Variants in RAD51B observed in about 807,000 individuals in gnomAD.
RAD51B encodes the protein DNA repair protein RAD51 homolog 2.
RAD51B carries 38 observed loss-of-function variants against 42.2 expected under a neutral mutation model. The observed-to-expected ratio is 0.90, with a 90% CI of 0.70 to 1.18. The LOEUF (loss-of-function observed/expected upper bound fraction) is 1.18. RAD51B is among the 50% of genes most tolerant of loss of function. RAD51B has a pLI of 0.00. For synonymous variants in RAD51B, 154 were observed against 145.2 expected, an observed-to-expected ratio of 1.06 and a Z score of -0.43; for missense variants, 373 against 400.7, an observed-to-expected ratio of 0.93 and a Z score of 0.59.
At chr14:68,670,083 C>A (rs1478075318) in intron 11 of RAD51B, among the ~76,000 whole-genome samples, 1 of 152,160 alleles carries the variant, frequency 6.6e-6, no homozygotes, top group African/African-American at 2.4e-5. Flanking sequence ...GACACGCTGC[C>A]GAGAGAACCG....
intron 7 of RAD51B, among the ~76,000 whole-genome samples, chr14:68,089,207 A>G (rs977745975): frequency 3.3e-5 from 5 of 152,034 alleles, no homozygotes; most frequent in Admixed American, 6.6e-5. Context: ...CCTTTGTTCA[A>G]GTTGCTTTTG....
chr14:68,296,022 A>T (rs1438172521), intron 8 of RAD51B, among the ~76,000 whole-genome samples: 1 of 152,222 alleles, frequency 6.6e-6, no homozygotes, highest in Non-Finnish European at 1.5e-5. Flanking sequence ...ACAGCAATAC[A>T]GGAAGGGGAG....
chr14:67,906,244 C>A (rs1478844023), intron 7 of RAD51B, among the ~76,000 whole-genome samples: 1 of 152,080 alleles, frequency 6.6e-6, no homozygotes, highest in Non-Finnish European at 1.5e-5. Flanking sequence ...GGAATAAAGC[C>A]TGGTTGATTA....
At chr14:68,283,390 T>C (rs2081356667) in intron 7 of RAD51B, among the ~76,000 whole-genome samples, 1 of 152,162 alleles carries the variant, frequency 6.6e-6, no homozygotes, top group African/African-American at 2.4e-5. Context: ...GGTAGGATAG[T>C]TTCTTCCACA....
chr14:68,197,519 AT>A (rs777705261), intron 7 of RAD51B, among the ~76,000 whole-genome samples: 5 of 152,154 alleles, frequency 3.3e-5, no homozygotes, highest in Non-Finnish European at 7.4e-5. Context: ...TGTTTTTGAA[AT>A]TGGTGGGTCA....
intron 7 of RAD51B, among the ~76,000 whole-genome samples, chr14:68,289,788 T>C (rs1400574894): frequency 1.3e-5 from 2 of 152,100 alleles, no homozygotes. Flanking sequence ...TCAAGGAGGC[T>C]ACTTGACCAT....
intron 7 of RAD51B, among the ~76,000 whole-genome samples, chr14:68,180,506 T>G (rs1381766330): frequency 6.6e-6 from 1 of 152,178 alleles, no homozygotes; most frequent in Non-Finnish European, 1.5e-5. Context: ...TGTTGAGTGC[T>G]TTACTACATT....
intron 7 of RAD51B, among the ~76,000 whole-genome samples, chr14:68,173,337 C>A (rs534812826): frequency 1.4e-4 from 22 of 152,148 alleles, no homozygotes; most frequent in Non-Finnish European, 2.1e-4. Context: ...TCTTTATATT[C>A]TTTGCAAAGA....
intron 8 of RAD51B, among the ~76,000 whole-genome samples, chr14:68,380,807 T>C (rs1024745030): frequency 6.6e-6 from 1 of 152,210 alleles, no homozygotes. Context: ...AGGAAAACTG[T>C]GTTCTAATTC....
intron 9 of RAD51B, among the ~76,000 whole-genome samples, chr14:68,431,962 A>G (rs1158226295): frequency 2.6e-5 from 4 of 152,108 alleles, no homozygotes; most frequent in South Asian, 2.1e-4. Context: ...CTTTGTTCTC[A>G]CTGGTTTCAA....
chr14:68,424,107 G>C (rs1016956539), intron 9 of RAD51B, among the ~76,000 whole-genome samples: 12 of 152,178 alleles, frequency 7.9e-5, no homozygotes, highest in Non-Finnish European at 5.9e-5. Flanking sequence ...CCTCCAGTAA[G>C]AACCTAAGGG....
intron 7 of RAD51B, among the ~76,000 whole-genome samples, chr14:68,199,454 G>A (rs1458143701): frequency 6.6e-6 from 1 of 152,178 alleles, no homozygotes; most frequent in Non-Finnish European, 1.5e-5. Context: ...TTGTGTTCAT[G>A]TAATAGAGTT....
chr14:67,903,124 C>G (rs1264324555), intron 7 of RAD51B, among the ~76,000 whole-genome samples: 1 of 152,150 alleles, frequency 6.6e-6, no homozygotes, highest in African/African-American at 2.4e-5. Flanking sequence ...TCCCAAAGTG[C>G]TGGGATTACA....
intron 11 of RAD51B, among the ~76,000 whole-genome samples, chr14:68,664,431 C>T (rs1892993120): frequency 6.6e-6 from 1 of 152,102 alleles, no homozygotes; most frequent in Non-Finnish European, 1.5e-5. Context: ...AGTCTCTTAA[C>T]TTTGTCCAAA....
intron 8 of RAD51B, among the ~76,000 whole-genome samples, chr14:68,354,216 G>GTTTT (rs3075406): frequency 1.3e-3 from 143 of 110,464 alleles, no homozygotes; most frequent in Non-Finnish European, 1.7e-3. Flanking sequence ...TGGTTTTTTG[G>GTTTT]TTTTTTTTTT....
intron 8 of RAD51B, among the ~76,000 whole-genome samples, chr14:68,363,534 T>C (rs973406261): frequency 6.6e-6 from 1 of 151,986 alleles, no homozygotes; most frequent in East Asian, 1.9e-4. Flanking sequence ...GCCTCCTCAT[T>C]GGAGTGTGCA....
intron 6 of RAD51B, 43 bp from the exon 7 acceptor site, chr14:67,886,978 T>A: frequency 1.6e-6 from 2 of 1,250,852 alleles, no homozygotes; most frequent in Non-Finnish European, 2.2e-6. Flanking sequence ...TTATTTATTT[T>A]ATCTTAAATT....
At chr14:68,072,124 T>A (rs898431729) in intron 7 of RAD51B, among the ~76,000 whole-genome samples, 6 of 129,920 alleles carry the variant, frequency 4.6e-5, no homozygotes, top group East Asian at 2.1e-4. Context: ...ATATATAAAA[T>A]ATATATATAA....
At chr14:68,182,783 T>C (rs2079080088) in intron 7 of RAD51B, among the ~76,000 whole-genome samples, 4 of 152,324 alleles carry the variant, frequency 2.6e-5, no homozygotes, top group African/African-American at 9.6e-5. Flanking sequence ...ATGCCTAGTT[T>C]CTTAGCGATT....
Sources: allele counts gnomAD v4.1 joint callset (sites outside exome capture counted in the v4.1 genomes callset), GRCh38; gene constraint gnomAD v4.1.1; transcripts MANE v1.5; gene names NCBI Gene and HGNC (gene_info 2026-07-23, HGNC 2026-07-21).